The following KCNS3 variants were observed in gnomAD, a reference collection of about 807,000 sequenced individuals.
KCNS3 encodes the protein delayed-rectifier potassium channel regulatory subunit KCNS3.
In KCNS3, 13 loss-of-function variants were observed where a neutral mutation model predicts 31.0. The ratio of observed to expected loss-of-function variants is 0.42; its 90% CI spans 0.27 to 0.67. KCNS3 has a LOEUF of 0.67. Ranked by LOEUF, KCNS3 falls within the 30% of genes least tolerant of loss-of-function variation. KCNS3 has a pLI of 0.25. For synonymous variants in KCNS3, 238 were observed against 241.5 expected (o/e 0.99, Z 0.13); for missense variants, 545 against 622.4 (o/e 0.88, Z 1.32).
intron 1 of KCNS3, among the ~76,000 whole-genome samples, chr2:17,880,626 TG>T (rs1480824437): frequency 1.1e-4 from 17 of 152,242 alleles, no homozygotes; most frequent in Non-Finnish European, 2.1e-4. Flanking sequence ...ATAGAGCCAT[TG>T]ATGAATGCAG....
chr2:17,932,485 G>A lies in KCNS3; in HGVS notation c.*1G>A. 6.2e-7 allele frequency: 1 copy of A among 1,604,006 alleles called. No homozygotes were observed. The highest frequency in any genetic ancestry group is 8.5e-7 in the Non-Finnish European group (1 of 1,175,046). On this transcript the variant is annotated 3_prime_UTR_variant, in exon 3 of 3. Coordinates refer to ENST00000304101, the MANE Select transcript of KCNS3 (RefSeq NM_002252.5). The stretch of plus-strand genomic sequence containing the variant: ...CTTGGAGAATTGCACAGCAAAATGA[G>A]CGGGGGTGTTTGTGCCTGTTTCTCT...
At chr2:17,909,274 C>A (rs995304963) in intron 1 of KCNS3, among the ~76,000 whole-genome samples, 2 of 152,170 alleles carry the variant, frequency 1.3e-5, no homozygotes, top group South Asian at 4.1e-4. Context: ...GGGATATAAT[C>A]TCCTGGTGTG....
At chr2:17,927,615 G>A (rs939345432) in intron 2 of KCNS3, among the ~76,000 whole-genome samples, 1 of 152,152 alleles carries the variant, frequency 6.6e-6, no homozygotes, top group Non-Finnish European at 1.5e-5. Context: ...TGAGAGATGA[G>A]CAAAGGGGGA....
chr2:17,909,003 T>G (rs1000471359), intron 1 of KCNS3, among the ~76,000 whole-genome samples: 3 of 152,310 alleles, frequency 2.0e-5, no homozygotes, highest in African/African-American at 7.2e-5. Context: ...ACAGGGACAT[T>G]TAAGTCTGCA....
At chr2:17,924,184 G>GT (rs531506510) in intron 2 of KCNS3, among the ~76,000 whole-genome samples, 7 of 151,294 alleles carry the variant, frequency 4.6e-5, no homozygotes, top group East Asian at 1.9e-4. Flanking sequence ...TAGAGATACA[G>GT]TTTTTTTGTA....
chr2:17,914,646 G>A (rs1662548443), intron 1 of KCNS3, among the ~76,000 whole-genome samples: 1 of 152,190 alleles, frequency 6.6e-6, no homozygotes. Context: ...AATGTGTCAT[G>A]CACTACCCTG....
At position 17,931,376 on chromosome 2, in the gene KCNS3, A is replaced by G; in HGVS notation, c.368A>G (p.Glu123Gly). Reference sequence around the variant, plus strand: ...TCTTGCTGCAGCAATCGCTACCAGGAACGCAAGGAGGAAAACCACGAGAAG... The same window carrying G: ...TCTTGCTGCAGCAATCGCTACCAGGGACGCAAGGAGGAAAACCACGAGAAG... ...IDSCCSNRYQ[E>G]RKEENHEKDW... is the part of the protein sequence containing the mutation. The change falls in exon 3 of 3, where the codon GAA becomes GGA. Residue 123 changes from glutamate to glycine, a missense_variant. By Grantham distance (98) the Glu-to-Gly change is moderately conservative. Coordinates refer to ENST00000304101, the MANE Select transcript of KCNS3 (RefSeq NM_002252.5). This position sits in a 1 kb window ranked among gnomAD's most constrained non-coding sequence, Gnocchi z 5.4. 1 of 1,614,160 alleles carries G rather than the reference A, an allele frequency of 6.2e-7. No homozygotes were observed.
At chr2:17,892,008 C>A (rs1661867944) in intron 1 of KCNS3, among the ~76,000 whole-genome samples, 1 of 152,076 alleles carries the variant, frequency 6.6e-6, no homozygotes, top group East Asian at 1.9e-4. Context: ...TTTATTGTTC[C>A]CCCAAATATG....
At position 17,931,867 on chromosome 2, in the gene KCNS3, AAGG is replaced by A; in HGVS notation, c.860_862del (p.Lys287_Val288delinsMet). On this transcript the variant is annotated inframe_deletion, in exon 3 of 3. Coordinates refer to ENST00000304101, the MANE Select transcript of KCNS3 (RefSeq NM_002252.5). This position sits in a 1 kb window ranked among gnomAD's most constrained non-coding sequence, Gnocchi z 5.4. ...GAGTGAGGATATTGAGAACATGGGC[AAGG>A]TGGTCCAGATCCTACGGCTTATGAG... 6.2e-7 allele frequency: 1 copy of A among 1,614,182 alleles called. No individual in the cohort carries two copies. The highest frequency in any genetic ancestry group is 2.2e-5 in the East Asian group (1 of 44,882).
intron 1 of KCNS3, among the ~76,000 whole-genome samples, chr2:17,902,334 C>CTG (rs61498649): frequency 0.013 from 1,879 of 149,712 alleles, 37 homozygotes; most frequent in African/African-American, 0.04. Context: ...GGTTGGGAGA[C>CTG]TGTGTGTGTG....
At chr2:17,905,864 C>T (rs973966616) in intron 1 of KCNS3, among the ~76,000 whole-genome samples, 58 of 152,052 alleles carry the variant, frequency 3.8e-4, no homozygotes, top group African/African-American at 1.3e-3. Flanking sequence ...TTGGTTTGCC[C>T]GTATTTTATT....
intron 1 of KCNS3, among the ~76,000 whole-genome samples, chr2:17,916,284 A>G (rs1349611072): frequency 6.6e-6 from 1 of 152,090 alleles, no homozygotes; most frequent in Non-Finnish European, 1.5e-5. Context: ...TCTGTGTTTC[A>G]TTGGAATGCA....
intron 2 of KCNS3, among the ~76,000 whole-genome samples, chr2:17,921,944 TATATATATATATATAA>T (rs1236939631): frequency 6.1e-5 from 8 of 130,396 alleles, no homozygotes; most frequent in African/African-American, 2.3e-4. Context: ...TATATATATA[TATATATATATATATAA>T]ATACATATAC....
intron 1 of KCNS3, among the ~76,000 whole-genome samples, chr2:17,909,150 A>T (rs1662411599): frequency 6.6e-6 from 1 of 152,308 alleles, no homozygotes; most frequent in East Asian, 1.9e-4. Context: ...CTCAAGCCTC[A>T]GCAATGGCGG....
At chr2:17,891,880 G>A (rs1322319338) in intron 1 of KCNS3, among the ~76,000 whole-genome samples, 1 of 152,050 alleles carries the variant, frequency 6.6e-6, no homozygotes, top group Non-Finnish European at 1.5e-5. Flanking sequence ...TCTCAGCTTT[G>A]GGTAACCTGT....
At chr2:17,890,846 C>G (rs1353966731) in intron 1 of KCNS3, among the ~76,000 whole-genome samples, 1 of 152,102 alleles carries the variant, frequency 6.6e-6, no homozygotes, top group Non-Finnish European at 1.5e-5. Flanking sequence ...TATGGCCCAT[C>G]ATATGGTCTA....
At chr2:17,887,173 A>G (rs1023751679) in intron 1 of KCNS3, among the ~76,000 whole-genome samples, 2 of 151,076 alleles carry the variant, frequency 1.3e-5, no homozygotes, top group Non-Finnish European at 2.9e-5. Flanking sequence ...TTACATGAGT[A>G]AGTTCTTTAG....
chr2:17,927,691 A>T (rs1315332791), intron 2 of KCNS3, among the ~76,000 whole-genome samples: 9 of 152,202 alleles, frequency 5.9e-5, no homozygotes, highest in Admixed American at 5.9e-4. Flanking sequence ...CAGCATGGGG[A>T]AACCACCCCC....
chr2:17,897,532 G>T (rs1029253953), intron 1 of KCNS3, among the ~76,000 whole-genome samples: 1 of 152,178 alleles, frequency 6.6e-6, no homozygotes, highest in Non-Finnish European at 1.5e-5. Flanking sequence ...AACCTTGCCA[G>T]CATTTCTCTG....
Sources: gnomAD v4.1 joint callset for allele counts (sites outside exome capture counted in the v4.1 genomes callset) on GRCh38, gnomAD v4.1.1 for gene constraint, Gnocchi (gnomAD v3.1) non-coding constraint, MANE v1.5 for transcripts, NCBI Gene and HGNC (gene_info 2026-07-23, HGNC 2026-07-21) for gene names.